SELENOF: variants seen among roughly 807,000 people sequenced by gnomAD.
SELENOF encodes the protein 15 kDa selenoprotein.
In SELENOF, 16 loss-of-function variants were observed where a neutral mutation model predicts 20.5. The ratio of observed to expected loss-of-function variants is 0.78; its 90% confidence interval spans 0.53 to 1.19. The LOEUF is 1.19. SELENOF is among the 50% of genes most tolerant of loss of function. SELENOF has a pLI of 0.00. For synonymous variants in SELENOF, 78 were observed against 74.5 expected, an observed-to-expected ratio of 1.05 and a Z score of -0.24; for missense variants, 215 against 194.2, an observed-to-expected ratio of 1.11 and a Z score of -0.64.
intron 1 of SELENOF, chr1:86,913,695 G>A: frequency 3.8e-6 from 1 of 265,986 alleles, no homozygotes; most frequent in Non-Finnish European, 7.5e-6. Context: ...TTGCATTTCT[G>A]TCCATTTAAA....
Position 86,903,450 on chromosome 1 carries a change from T to G in SELENOF, c.85-2A>C, listed in dbSNP as rs111719584. The G allele has an allele frequency of 6.3e-7, 1 of 1,585,302 alleles. No individual in the cohort carries two copies. The highest frequency in any genetic ancestry group is 1.8e-5 in the Admixed American group (1 of 54,324). ...AAACTCTGCCCCAAAAGCAGACACCTGAAAATAAAAAATGGGAAATAAAAC... is the reference window on the plus strand; with the variant it reads ...AAACTCTGCCCCAAAAGCAGACACCGGAAAATAAAAAATGGGAAATAAAAC... On this transcript the variant is annotated splice_acceptor_variant, in intron 1 of 4. Coordinates refer to ENST00000331835, the MANE Select transcript of SELENOF (RefSeq NM_004261.5). LOFTEE classifies it high-confidence loss of function.
At chr1:86,864,645 T>C (rs1444024770) in intron 4 of SELENOF, among the ~76,000 whole-genome samples, 3 of 152,066 alleles carry the variant, frequency 2.0e-5, no homozygotes, top group African/African-American at 7.2e-5. Context: ...GGTTACTTTT[T>C]TTTTTTTTTT....
At chr1:86,880,285 G>C (rs1393964398) in intron 3 of SELENOF, among the ~76,000 whole-genome samples, 2 of 151,860 alleles carry the variant, frequency 1.3e-5, no homozygotes, top group Non-Finnish European at 2.9e-5. Flanking sequence ...ATAGGCACCC[G>C]CCACCGCGCC....
intron 2 of SELENOF, among the ~76,000 whole-genome samples, chr1:86,884,141 G>C (rs1444473836): frequency 6.6e-6 from 1 of 152,080 alleles, no homozygotes; most frequent in Admixed American, 6.6e-5. Context: ...GTGCCGAAGG[G>C]AGAGAACTAT....
intron 3 of SELENOF, among the ~76,000 whole-genome samples, chr1:86,879,572 C>A (rs1659009542): frequency 6.6e-6 from 1 of 152,124 alleles, no homozygotes; most frequent in South Asian, 2.1e-4. Flanking sequence ...CCAAAAAATT[C>A]TCTTGCCATT....
intron 4 of SELENOF, among the ~76,000 whole-genome samples, chr1:86,864,155 T>C (rs1160128196): frequency 6.6e-6 from 1 of 152,220 alleles, no homozygotes; most frequent in Non-Finnish European, 1.5e-5. Context: ...AAATACGCTG[T>C]GCATATAAAT....
intron 2 of SELENOF, among the ~76,000 whole-genome samples, chr1:86,883,249 T>C (rs1454384412): frequency 8.6e-5 from 13 of 152,026 alleles, no homozygotes; most frequent in Admixed American, 8.5e-4. Flanking sequence ...ATGAGGTAAC[T>C]AGAGTAGCCA....
At chr1:86,891,059 T>C (rs1256434690) in intron 2 of SELENOF, among the ~76,000 whole-genome samples, 4 of 151,422 alleles carry the variant, frequency 2.6e-5, no homozygotes, top group African/African-American at 7.3e-5. Flanking sequence ...TTTTCTTTTT[T>C]TTTTTTTTAG....
intron 2 of SELENOF, among the ~76,000 whole-genome samples, chr1:86,883,025 C>T (rs927151269): frequency 4.0e-5 from 6 of 150,656 alleles, no homozygotes; most frequent in African/African-American, 1.5e-4. Context: ...GCTTGGGAGG[C>T]AGAGGCAGGA....
At position 86,884,346 on chromosome 1, in the gene SELENOF, T is replaced by C. The variant is rs971756729; in HGVS notation, c.253-3621A>G. On this transcript the variant is annotated intron_variant, in intron 2 of 4. Coordinates refer to ENST00000331835, the MANE Select transcript of SELENOF (RefSeq NM_004261.5). ...TGTGTTGTTAGCGGGCGCACATACA[T>C]ACACACACACACACACACACACACA... Among the ~76,000 whole-genome samples, 28 of 145,552 alleles carry C rather than the reference T, an allele frequency of 1.9e-4. No individual in the cohort carries two copies. In the East Asian group the frequency reaches 2.3e-3, roughly 12 times the overall value.
chr1:86,871,491 T>G (rs1658767888), intron 3 of SELENOF, among the ~76,000 whole-genome samples: 1 of 152,192 alleles, frequency 6.6e-6, no homozygotes, highest in East Asian at 1.9e-4. Flanking sequence ...TTCTTAATAG[T>G]CAAAATAGCC....
At chr1:86,913,794 G>A (rs961742439) in intron 1 of SELENOF, 31 of 548,636 alleles carry the variant, frequency 5.7e-5, no homozygotes, top group African/African-American at 4.7e-4. Flanking sequence ...CCGTATAAGA[G>A]AAGCTACGTA....
intron 1 of SELENOF, among the ~76,000 whole-genome samples, chr1:86,911,625 T>C (rs1659984821): frequency 6.6e-6 from 1 of 152,198 alleles, no homozygotes; most frequent in Non-Finnish European, 1.5e-5. Context: ...GATGGGAGAC[T>C]AGTTAAGGAA....
intron 4 of SELENOF, among the ~76,000 whole-genome samples, chr1:86,865,993 A>C (rs1396877476): frequency 6.6e-6 from 1 of 151,912 alleles, no homozygotes; most frequent in Non-Finnish European, 1.5e-5. Context: ...CCAGGAATAC[A>C]AGACCAGCTT....
intron 4 of SELENOF, among the ~76,000 whole-genome samples, chr1:86,866,039 T>TAA (rs1165788441): frequency 2.0e-5 from 3 of 150,842 alleles, no homozygotes; most frequent in African/African-American, 7.3e-5. Context: ...TATAAAAAAA[T>TAA]AAAAAAAATT....
intron 3 of SELENOF, among the ~76,000 whole-genome samples, chr1:86,876,317 T>C (rs908139280): frequency 1.3e-5 from 2 of 152,156 alleles, no homozygotes; most frequent in Admixed American, 6.6e-5. Flanking sequence ...ATGCCATTTA[T>C]AGAAACAGGG....
intron 2 of SELENOF, among the ~76,000 whole-genome samples, chr1:86,900,010 C>T (rs1659646564): frequency 6.6e-6 from 1 of 151,086 alleles, no homozygotes; most frequent in South Asian, 2.1e-4. Context: ...CAGAGACACT[C>T]CTCACTTCCT....
chr1:86,887,092 TA>T, intron 2 of SELENOF: 1 of 1,451,430 alleles, frequency 6.9e-7, no homozygotes, highest in South Asian at 1.5e-5. Flanking sequence ...ACTGGTGTTT[TA>T]AATTTGCTGT....
At chr1:86,910,995 T>C (rs1357561529) in intron 1 of SELENOF, among the ~76,000 whole-genome samples, 1 of 152,202 alleles carries the variant, frequency 6.6e-6, no homozygotes. Context: ...ATTTCACTTA[T>C]ACATCAAGTA....
Sources: gnomAD v4.1 joint callset for allele counts (sites outside exome capture counted in the v4.1 genomes callset) on GRCh38, gnomAD v4.1.1 for gene constraint, MANE v1.5 for transcripts, NCBI Gene and HGNC (gene_info 2026-07-23, HGNC 2026-07-21) for gene names.